Variants in SLIT3 observed in about 807,000 individuals in gnomAD.
SLIT3 encodes the protein slit guidance ligand 3.
SLIT3 carries 68 observed loss-of-function variants against 184.0 expected under a neutral mutation model. The observed-to-expected ratio is 0.37, with a 90% CI of 0.30 to 0.45. The LOEUF is 0.45. Among genes scored for constraint, SLIT3 ranks in the 20% least tolerant of loss-of-function variants. The probability of loss-of-function intolerance (pLI) is 1.00; values close to 1 mark genes in which losing one functional copy is unlikely to be tolerated. For missense variants in SLIT3, 1,707 were observed against 2,026.0 expected (o/e 0.84, Z 3.02); for synonymous variants, 831 against 828.6 (o/e 1.00, Z -0.05).
At chr5:169,006,612 C>A (rs1199887586) in intron 4 of SLIT3, among the ~76,000 whole-genome samples, 1 of 145,652 alleles carries the variant, frequency 6.9e-6, no homozygotes, top group Non-Finnish European at 1.5e-5. Context: ...CTCTCACACA[C>A]ACACACACAC....
chr5:168,952,528 CAA>C (rs372134778), intron 4 of SLIT3, among the ~76,000 whole-genome samples: 11 of 77,930 alleles, frequency 1.4e-4, no homozygotes, highest in African/African-American at 4.7e-4. Context: ...GGGAAAATGC[CAA>C]AAAAAAAAAA....
chr5:168,957,563 G>A (rs1762867498), intron 4 of SLIT3, among the ~76,000 whole-genome samples: 1 of 152,212 alleles, frequency 6.6e-6, no homozygotes, highest in Admixed American at 6.5e-5. Flanking sequence ...AGGTGACGCT[G>A]ATGCTGCTGG....
intron 4 of SLIT3, among the ~76,000 whole-genome samples, chr5:168,937,315 T>G (rs1338159448): frequency 6.6e-6 from 1 of 152,068 alleles, no homozygotes; most frequent in Admixed American, 6.6e-5. Context: ...TAAAGTGTTG[T>G]GAGCAGGAGA....
At chr5:168,746,408 TGTAGTGTGTGAGTGTGGTGGTGTGTG>T (rs1317760002) in intron 20 of SLIT3, among the ~76,000 whole-genome samples, 32 of 68,764 alleles carry the variant, frequency 4.7e-4, no homozygotes, top group Admixed American at 7.6e-4. Context: ...TCTGGTGGTG[TGTAGTGTGTGAGTGTGGTGGTGTGTG>T]GTGGTGTGGG....
chr5:169,257,455 T>C (rs1186010923), intron 1 of SLIT3, among the ~76,000 whole-genome samples: 2 of 137,140 alleles, frequency 1.5e-5, no homozygotes, highest in Non-Finnish European at 3.1e-5. Flanking sequence ...CCTAAACCAC[T>C]GAAATGTGGA....
intron 8 of SLIT3, among the ~76,000 whole-genome samples, chr5:168,809,507 C>G (rs774401727): frequency 1.3e-5 from 2 of 152,186 alleles, no homozygotes; most frequent in Non-Finnish European, 2.9e-5. Context: ...AAGATGGGTT[C>G]GTTTTCCCTA....
chr5:168,868,802 G>A (rs2113762413), intron 5 of SLIT3, among the ~76,000 whole-genome samples: 1 of 151,334 alleles, frequency 6.6e-6, no homozygotes, highest in Admixed American at 6.6e-5. Flanking sequence ...AAAAATTATG[G>A]TTTGGTTAAG....
intron 4 of SLIT3, among the ~76,000 whole-genome samples, chr5:168,981,899 T>C (rs1754958847): frequency 6.6e-6 from 1 of 152,170 alleles, no homozygotes; most frequent in Non-Finnish European, 1.5e-5. Flanking sequence ...TAGGTGATCA[T>C]TGCCAGTCCA....
chr5:168,967,457 T>TTTTTTTTTTTTTTTTTTTTTTTTTGG, intron 4 of SLIT3, among the ~76,000 whole-genome samples: 1 of 76,380 alleles, frequency 1.3e-5, no homozygotes, highest in Non-Finnish European at 2.8e-5. Flanking sequence ...TTTTTTTTTT[T>TTTTTTTTTTTTTTTTTTTTTTTTTGG]GAGACGGAGT....
chr5:169,149,186 T>C lies in SLIT3; in HGVS notation c.413+44293A>G, dbSNP rs75901645. 4.6e-5 allele frequency among the ~76,000 whole-genome samples: 7 copies of C among 152,290 alleles called. No individual in the cohort carries two copies. The East Asian group carries it at 1.2e-3, about 25-fold the overall frequency. On this transcript the variant is annotated intron_variant, in intron 4 of 35. Coordinates refer to ENST00000519560, the MANE Select transcript of SLIT3 (RefSeq NM_003062.4). The stretch of plus-strand genomic sequence containing the variant: ...AAATTCTAATCACACACTAATTGCA[T>C]GACAAATTAAGAGGAAATGACGCTA...
chr5:169,085,954 G>C (rs1759277020), intron 4 of SLIT3, among the ~76,000 whole-genome samples: 2 of 152,126 alleles, frequency 1.3e-5, no homozygotes, highest in South Asian at 2.1e-4. Context: ...GCCTGCAGCG[G>C]CAAGAGTCAG....
At chr5:169,169,040 G>A (rs78207355) in intron 4 of SLIT3, among the ~76,000 whole-genome samples, 13 of 124,836 alleles carry the variant, frequency 1.0e-4, no homozygotes, top group African/African-American at 2.9e-4. Flanking sequence ...CCCAGAGTGG[G>A]GGGGGGATCA....
At chr5:169,171,678 A>C (rs1017301781) in intron 4 of SLIT3, among the ~76,000 whole-genome samples, 1 of 152,236 alleles carries the variant, frequency 6.6e-6, no homozygotes, top group Non-Finnish European at 1.5e-5. Context: ...GCTGGAATGC[A>C]GCCCACCCTG....
chr5:168,722,948 G>T lies in SLIT3; in HGVS notation c.2396C>A (p.Ser799Tyr), dbSNP rs745659910. ...GTGTACTCACAGAGTGGAGAGGTGA[G>T]ACATGTTACTGAAGGTGTAATTGGT... ...MLTNYTFSNM[S>Y]HLSTLILSYN... Residue 799 changes from serine to tyrosine, a missense_variant, in exon 22 of 36, where the codon TCT becomes TAT. By Grantham distance (144) the Ser-to-Tyr change is moderately radical. Around this residue, in one of 3 missense-constraint regions of SLIT3, gnomAD observed 1,307 missense variants for 1,511.6 expected, o/e 0.86. Transcript: ENST00000519560. The T allele has an allele frequency of 6.2e-7, 1 of 1,613,372 alleles. No homozygotes were observed. Among genetic ancestry groups the T allele is most frequent in the South Asian group, 1.1e-5 (1 of 91,058 alleles).
At chr5:169,206,148 A>C (rs919525036) in intron 3 of SLIT3, among the ~76,000 whole-genome samples, 1 of 152,214 alleles carries the variant, frequency 6.6e-6, no homozygotes, top group Non-Finnish European at 1.5e-5. Flanking sequence ...GGCAGGGAAG[A>C]GGGACTGAGA....
rs1393759141 is a variant in SLIT3 at position 169,135,116 on chromosome 5, GT to G, written c.413+58362del. On this transcript the variant is annotated intron_variant, in intron 4 of 35. Coordinates refer to ENST00000519560, the MANE Select transcript of SLIT3 (RefSeq NM_003062.4). The stretch of plus-strand genomic sequence containing the variant: ...CTTGATCAGTGTGTTTTGTTTGTTT[GT>G]TTTTTGGAGACGGAGTCTCACTCTG... 2.0e-5 allele frequency among the ~76,000 whole-genome samples: 3 copies of G among 152,232 alleles called. No individual in the cohort carries two copies. In the East Asian group the frequency reaches 5.8e-4, roughly 29 times the overall value.
Position 168,804,042 on chromosome 5 carries a change from C to T in SLIT3, c.935+2404G>A, listed in dbSNP as rs149240060. The stretch of plus-strand genomic sequence containing the variant: ...GAAGGGGAGGGCGGGCACGGTGGCT[C>T]ATACCTGTAATCCCAGAACTTTAGG... On this transcript the variant is annotated intron_variant, in intron 9 of 35. Transcript: ENST00000519560. 4.0e-3 allele frequency among the ~76,000 whole-genome samples: 614 copies of T among 151,908 alleles called. 4 individuals are homozygous for T. The highest frequency in any genetic ancestry group is 0.014 in the African/African-American group (586 of 41,420).
At chr5:168,811,682 T>C (rs1757161484) in intron 8 of SLIT3, among the ~76,000 whole-genome samples, 2 of 152,194 alleles carry the variant, frequency 1.3e-5, no homozygotes, top group Non-Finnish European at 2.9e-5. Context: ...CCATCCCAGT[T>C]TGAATGGTTA....
chr5:169,109,940 C>T (rs1760352399), intron 4 of SLIT3, among the ~76,000 whole-genome samples: 1 of 152,158 alleles, frequency 6.6e-6, no homozygotes, highest in Admixed American at 6.5e-5. Flanking sequence ...CAAACAACAG[C>T]AGGAATATCA....
Sources: gnomAD v4.1 joint callset for allele counts (sites outside exome capture counted in the v4.1 genomes callset) on GRCh38, gnomAD v4.1.1 for gene constraint, gnomAD v4.1.1 regional missense constraint, MANE v1.5 for transcripts, NCBI Gene and HGNC (gene_info 2026-07-23, HGNC 2026-07-21) for gene names.